Variants in CUX2 observed in about 807,000 individuals in gnomAD.
CUX2 encodes the protein cut like homeobox 2, also known as homeobox protein cut-like 2.
Under a neutral mutation model 144.8 loss-of-function variants are expected in CUX2, and 40 were observed. The ratio of observed to expected loss-of-function variants is 0.28; its 90% CI spans 0.21 to 0.36. The LOEUF is 0.36. CUX2 is among the 10% of genes least tolerant of loss of function. CUX2 has a pLI of 1.00. For missense variants in CUX2, 1,615 were observed against 1,994.0 expected, an observed-to-expected ratio of 0.81 and a Z score of 3.62; for synonymous variants, 827 against 875.6, an observed-to-expected ratio of 0.94 and a Z score of 0.98.
chr12:111,323,296 A>G (rs1239164588), intron 18 of CUX2, among the ~76,000 whole-genome samples: 1 of 152,240 alleles, frequency 6.6e-6, no homozygotes, highest in Admixed American at 6.5e-5. Flanking sequence ...AGTCTTGTCA[A>G]TAGGACAAAA....
intron 1 of CUX2, among the ~76,000 whole-genome samples, chr12:111,124,312 C>T (rs921522268): frequency 3.9e-5 from 6 of 152,188 alleles, no homozygotes; most frequent in Non-Finnish European, 7.3e-5. Flanking sequence ...TTCATTTTTA[C>T]GCTTAAGTTC....
Position 111,094,225 on chromosome 12 carries a change from C to T in CUX2, c.63+59985C>T, listed in dbSNP as rs748683593. Among the ~76,000 whole-genome samples, 35 of 152,180 alleles carry T rather than the reference C, an allele frequency of 2.3e-4. 1 individual carries two copies. The highest frequency in any genetic ancestry group is 4.4e-5 in the Non-Finnish European group (3 of 68,034). On this transcript the variant is annotated intron_variant, in intron 1 of 21. Coordinates refer to ENST00000261726, the MANE Select transcript of CUX2 (RefSeq NM_015267.4). ...AAGCAAAAATTATCCTGGCCATTCCCGTGGCAGAATCGATCACTCCAAGAG... is the reference window on the plus strand; with the variant it reads ...AAGCAAAAATTATCCTGGCCATTCCTGTGGCAGAATCGATCACTCCAAGAG...
chr12:111,165,483 G>A (rs372397360), intron 1 of CUX2, among the ~76,000 whole-genome samples: 2 of 152,190 alleles, frequency 1.3e-5, no homozygotes, highest in Admixed American at 6.5e-5. Context: ...GTCTCATGGC[G>A]GGGAATTTGG....
At chr12:111,254,491 G>C (rs1221099292) in intron 3 of CUX2, among the ~76,000 whole-genome samples, 8 of 152,230 alleles carry the variant, frequency 5.3e-5, no homozygotes, top group Admixed American at 5.2e-4. Flanking sequence ...CTGAATCACT[G>C]ACTTACACAT....
At chr12:111,330,716 T>TATATATAC (rs1888067227) in intron 18 of CUX2, among the ~76,000 whole-genome samples, 1 of 36,948 alleles carries the variant, frequency 2.7e-5, no homozygotes, top group East Asian at 8.9e-4. Flanking sequence ...TATATATATA[T>TATATATAC]ATATATATAT....
chr12:111,326,680 G>A (rs1394898041), intron 18 of CUX2, among the ~76,000 whole-genome samples: 7 of 152,160 alleles, frequency 4.6e-5, no homozygotes, highest in Middle Eastern at 3.4e-3. Flanking sequence ...GAGGCGGGCC[G>A]ATCACTTGAG....
At chr12:111,198,087 A>T (rs1463962774) in intron 1 of CUX2, among the ~76,000 whole-genome samples, 1 of 152,118 alleles carries the variant, frequency 6.6e-6, no homozygotes, top group African/African-American at 2.4e-5. Context: ...TGTTTTATTT[A>T]TGTGAAATAT....
chr12:111,199,292 G>A (rs950853413), intron 1 of CUX2, among the ~76,000 whole-genome samples: 8 of 152,296 alleles, frequency 5.3e-5, no homozygotes, highest in African/African-American at 1.9e-4. Context: ...CAGCAAGCAG[G>A]ATTCGAACTC....
intron 18 of CUX2, 79 bp from the exon 19 acceptor site, chr12:111,334,362 G>A (rs920388580): frequency 1.5e-5 from 22 of 1,469,036 alleles, no homozygotes; most frequent in Non-Finnish European, 1.7e-5. Context: ...ACTCTTGGCT[G>A]TAAGAAGCAA....
intron 3 of CUX2, among the ~76,000 whole-genome samples, chr12:111,238,399 T>C (rs1882865480): frequency 6.6e-6 from 1 of 152,220 alleles, no homozygotes; most frequent in Non-Finnish European, 1.5e-5. Context: ...TAGCCGTTTC[T>C]ATGTTCCAGA....
intron 20 of CUX2, among the ~76,000 whole-genome samples, chr12:111,338,969 A>G (rs1888467699): frequency 1.3e-5 from 2 of 152,162 alleles, no homozygotes; most frequent in South Asian, 4.1e-4. Flanking sequence ...GCAGTGGCTC[A>G]CGCCTGTAAT....
intron 14 of CUX2, among the ~76,000 whole-genome samples, chr12:111,309,773 G>GTCTTGCTCTCCCTCTCTCTCTC (rs1437369583): frequency 6.7e-6 from 1 of 148,726 alleles, no homozygotes; most frequent in Non-Finnish European, 1.5e-5. Flanking sequence ...TGGTCTCTCT[G>GTCTTGCTCTCCCTCTCTCTCTC]TCTTGCTCTC....
At chr12:111,060,956 CCCTCCAGGAGGGGCGTGAGG>C (rs1398616600) in intron 1 of CUX2, among the ~76,000 whole-genome samples, 8 of 152,214 alleles carry the variant, frequency 5.3e-5, no homozygotes, top group African/African-American at 1.9e-4. Context: ...CAGTTATCGT[CCCTCCAGGAGGGGCGTGAGG>C]CCTTCAGAAA....
Position 111,338,485 on chromosome 12 carries a change from G to T in CUX2, c.3385+11G>T. The T allele has an allele frequency of 1.2e-6, 2 of 1,605,086 alleles. No homozygotes were observed. Among genetic ancestry groups the T allele is most frequent in the Non-Finnish European group, 1.7e-6 (2 of 1,174,196 alleles). On this transcript the variant is annotated intron_variant, in intron 20 of 21. Transcript: ENST00000261726. ...AGCTGGAGAAGAAAGGTAAGACTTG[G>T]GCAGAGGATGGGCCCCAGCACTGGG...
intron 1 of CUX2, among the ~76,000 whole-genome samples, chr12:111,151,484 A>T (rs945334549): frequency 6.6e-6 from 1 of 152,218 alleles, no homozygotes; most frequent in African/African-American, 2.4e-5. Flanking sequence ...TCTTTCTGCT[A>T]ATATGGTATA....
intron 3 of CUX2, among the ~76,000 whole-genome samples, chr12:111,253,590 C>G (rs907259514): frequency 6.6e-6 from 1 of 152,170 alleles, no homozygotes; most frequent in African/African-American, 2.4e-5. Context: ...TCATTGCTCG[C>G]CTCTGCCTCT....
intron 2 of CUX2, among the ~76,000 whole-genome samples, chr12:111,216,504 C>A (rs1881540184): frequency 6.6e-6 from 1 of 152,156 alleles, no homozygotes; most frequent in Non-Finnish European, 1.5e-5. Flanking sequence ...ATTTCCGGTG[C>A]CTTTTGAGAA....
At chr12:111,089,072 C>T (rs1052871528) in intron 1 of CUX2, among the ~76,000 whole-genome samples, 2 of 152,218 alleles carry the variant, frequency 1.3e-5, no homozygotes, top group African/African-American at 2.4e-5. Context: ...GACTGAGGCA[C>T]GGGGCGAAGG....
At chr12:111,305,804 T>C (rs1268527669) in intron 10 of CUX2, among the ~76,000 whole-genome samples, 2 of 152,236 alleles carry the variant, frequency 1.3e-5, no homozygotes, top group Non-Finnish European at 2.9e-5. Flanking sequence ...CATGAGAGCA[T>C]GTGGCTTCTT....
Sources: allele counts gnomAD v4.1 joint callset (sites outside exome capture counted in the v4.1 genomes callset), GRCh38; gene constraint gnomAD v4.1.1; transcripts MANE v1.5; gene names NCBI Gene and HGNC (gene_info 2026-07-23, HGNC 2026-07-21).